The following PWWP3A variants were observed in gnomAD, a reference collection of about 807,000 sequenced individuals.
The protein encoded by PWWP3A is PWWP domain-containing DNA repair factor 3A.
Under a neutral mutation model 79.0 loss-of-function variants are expected in PWWP3A, and 53 were observed. The ratio of observed to expected loss-of-function variants is 0.67; its 90% CI spans 0.54 to 0.84. The LOEUF is 0.84. Ranked by LOEUF, PWWP3A falls within the 40% of genes least tolerant of loss-of-function variation. The pLI is 0.00. For missense variants in PWWP3A, 973 were observed against 948.0 expected (o/e 1.03, Z -0.35); for synonymous variants, 443 against 394.4 (o/e 1.12, Z -1.46).
In PWWP3A at chr19:1,377,506, C is replaced by T. The variant is rs559663860; in HGVS notation, c.*930C>T. The T allele has an allele frequency of 2.0e-5, 3 of 152,532 alleles. No individual in the cohort carries two copies. Among genetic ancestry groups the T allele is most frequent in the African/African-American group, 4.8e-5 (2 of 41,588 alleles). The allele number at this position is 152,532 out of a possible 1,614,324, so 9.4% of individuals were successfully genotyped here. On this transcript the variant is annotated 3_prime_UTR_variant, in exon 14 of 14. Coordinates refer to ENST00000591337, the MANE Select transcript of PWWP3A (RefSeq NM_001369789.1). The stretch of plus-strand genomic sequence containing the variant: ...TTGTATGGAGGCCCAACCGCGCTCC[C>T]GTCTGGAGAAGCGGCTTCCGGGGTG...
chr19:1,376,307 G>GTTT (rs1300598453), intron 13 of PWWP3A, among the ~76,000 whole-genome samples: 1 of 70,388 alleles, frequency 1.4e-5, no homozygotes, highest in Non-Finnish European at 2.5e-5. Flanking sequence ...TTTTTTTTTT[G>GTTT]TTTGTTTTTT....
At chr19:1,374,735 T>C (rs2082329791) in intron 13 of PWWP3A, among the ~76,000 whole-genome samples, 1 of 152,114 alleles carries the variant, frequency 6.6e-6, no homozygotes, top group South Asian at 2.1e-4. Context: ...TGGCATCTCA[T>C]ACTCTTTCGT....
intron 2 of PWWP3A, 73 bp from the exon 3 acceptor site, chr19:1,356,936 G>A: frequency 8.3e-7 from 1 of 1,198,154 alleles, no homozygotes; most frequent in Non-Finnish European, 1.2e-6. Flanking sequence ...TGCTGCATTT[G>A]TGCTAAAGTT....
chr19:1,364,114 ATTACC>A (rs2082077779), intron 6 of PWWP3A: 1 of 522,914 alleles, frequency 1.9e-6, no homozygotes. Flanking sequence ...TCCGCGTGCC[ATTACC>A]TCACCTCTGT....
intron 5 of PWWP3A, chr19:1,361,858 G>A: frequency 5.0e-6 from 1 of 200,346 alleles, no homozygotes; most frequent in Non-Finnish European, 1.0e-5. Context: ...CCCCTACCCT[G>A]TTCTATAGTC....
rs2082184964 is a variant in PWWP3A at position 1,368,849 on chromosome 19, G to A, written c.1423-416G>A. 6.9e-6 allele frequency among the ~76,000 whole-genome samples: 1 copy of A among 145,808 alleles called. No homozygotes were observed. The highest frequency in any genetic ancestry group is 2.7e-5 in the African/African-American group (1 of 37,580). On this transcript the variant is annotated intron_variant, in intron 9 of 13. Transcript: ENST00000591337. This position sits in a 1 kb window ranked among gnomAD's most constrained non-coding sequence, Gnocchi z 4.7. ...CGTTCAGACCAGCCCAAGCCTTCGGGTCCCCGGTGCCCACCTGCGTTCAGA... is the reference window on the plus strand; with the variant it reads ...CGTTCAGACCAGCCCAAGCCTTCGGATCCCCGGTGCCCACCTGCGTTCAGA...
chr19:1,362,608 G>C (rs759641590), intron 6 of PWWP3A, among the ~76,000 whole-genome samples: 21 of 152,236 alleles, frequency 1.4e-4, no homozygotes, highest in Non-Finnish European at 2.8e-4. Flanking sequence ...CATTACTCCT[G>C]TCACTTACCT....
chr19:1,376,564 G>T lies in PWWP3A; in HGVS notation c.2121G>T (p.Arg707=), dbSNP rs777805899. 3 of 1,613,618 alleles carry T rather than the reference G, an allele frequency of 1.9e-6. No individual in the cohort carries two copies. The highest frequency in any genetic ancestry group is 2.2e-5 in the South Asian group (2 of 91,062). The change falls in exon 14 of 14, where the codon CGG becomes CGT. Residue 707 remains arginine (R), a synonymous_variant. Transcript: ENST00000591337. ...FDNQLLEERN[R]RRR ...ACCAGCTCCTTGAAGAGCGGAACCG[G>T]CGCCGTCGGTGAGGGAGCAGCCGGC...
Position 1,369,798 on chromosome 19 carries a change from G to A in PWWP3A, c.1549+152G>A. On this transcript the variant is annotated intron_variant, in intron 11 of 13. Coordinates refer to ENST00000591337, the MANE Select transcript of PWWP3A (RefSeq NM_001369789.1). This position sits in a 1 kb window ranked among gnomAD's most constrained non-coding sequence, Gnocchi z 4.0. ...TGTTCAACCTCTATGAGGTTTTGATGTGACCCTGAGGCTCCCTGGGACCTG... is the reference window on the plus strand; with the variant it reads ...TGTTCAACCTCTATGAGGTTTTGATATGACCCTGAGGCTCCCTGGGACCTG... The A allele has an allele frequency of 2.2e-6, 2 of 925,132 alleles. No homozygotes were observed. Among genetic ancestry groups the A allele is most frequent in the South Asian group, 1.4e-5 (1 of 69,610 alleles). 57.3% of individuals were successfully genotyped at this position (925,132 alleles called of 1,614,324 possible).
intron 13 of PWWP3A, among the ~76,000 whole-genome samples, chr19:1,375,399 T>C (rs1225070850): frequency 8.0e-6 from 1 of 124,378 alleles, no homozygotes; most frequent in Non-Finnish European, 1.6e-5. Flanking sequence ...CCCTCTCATA[T>C]ATATATAATA....
Position 1,369,672 on chromosome 19 carries a change from A to G in PWWP3A, c.1549+26A>G. ...GTAAGTCTACAGGCACATCTTGGAA[A>G]ATGTGGTTTGCCTTTTAGCCCTTTA... On this transcript the variant is annotated intron_variant, in intron 11 of 13. Coordinates refer to ENST00000591337, the MANE Select transcript of PWWP3A (RefSeq NM_001369789.1). This position sits in a 1 kb window ranked among gnomAD's most constrained non-coding sequence, Gnocchi z 4.0. 1.9e-5 allele frequency: 31 copies of G among 1,613,418 alleles called. No homozygotes were observed. Among genetic ancestry groups the G allele is most frequent in the Non-Finnish European group, 2.5e-5 (29 of 1,179,332 alleles).
Position 1,370,981 on chromosome 19 carries a change from A to G in PWWP3A, c.1889A>G (p.Lys630Arg), listed in dbSNP as rs1329429685. The G allele has an allele frequency of 2.6e-6, 4 of 1,565,146 alleles. No individual in the cohort carries two copies. The highest frequency in any genetic ancestry group is 3.3e-4 in the Middle Eastern group (2 of 5,982). The change falls in exon 12 of 14, where the codon AAG becomes AGG. Residue 630 changes from lysine (K) to arginine (R), a missense_variant. Physicochemically the swap from Lys to Arg is conservative, Grantham distance 26 (BLOSUM62 2). Transcript: ENST00000591337. ...GAGGGGCAGCTGGACCTGGTGGTGA[A>G]GTACCTGCAGGGCGTCTACCAGGAG... is the stretch of plus-strand genomic sequence containing the variant. ...EDEGQLDLVV[K>R]YLQGVYQEVG...
intron 1 of PWWP3A, among the ~76,000 whole-genome samples, chr19:1,355,776 G>T (rs79720390): frequency 7.9e-5 from 12 of 150,996 alleles, no homozygotes; most frequent in African/African-American, 2.9e-4. Flanking sequence ...CCCCTCCGTT[G>T]TTGCTAAATT....
At chr19:1,361,725 AAG>A (rs2082018702) in intron 5 of PWWP3A, among the ~76,000 whole-genome samples, 1 of 151,888 alleles carries the variant, frequency 6.6e-6, no homozygotes, top group Non-Finnish European at 1.5e-5. Flanking sequence ...TCTGAAGACA[AAG>A]TGACCGCACC....
chr19:1,366,161 G>A lies in PWWP3A; in HGVS notation c.1285-144G>A, dbSNP rs75621332. The A allele has an allele frequency of 5.2e-3, 3,942 of 757,484 alleles. 95 individuals are homozygous for A. The African/African-American group carries it at 0.06, about 11-fold the overall frequency. 46.9% of individuals were successfully genotyped at this position (757,484 alleles called of 1,614,324 possible). A position where few individuals can be genotyped will look rare whatever the true frequency, so the allele number is the denominator to read the frequency against. On this transcript the variant is annotated intron_variant, in intron 7 of 13. Coordinates refer to ENST00000591337, the MANE Select transcript of PWWP3A (RefSeq NM_001369789.1). Reference sequence around the variant, plus strand: ...GCAGAGCATGGGGCCGTTTCTCAGCGCCTCCTTGCGGGAGACTTCGCTGGG... The same window carrying A: ...GCAGAGCATGGGGCCGTTTCTCAGCACCTCCTTGCGGGAGACTTCGCTGGG...
rs750889423 is a variant in PWWP3A, at chr19:1,369,270, A to C, written c.1428A>C (p.Gln476His). 2 of 1,614,136 alleles carry C rather than the reference A, an allele frequency of 1.2e-6. No homozygotes were observed. Among genetic ancestry groups the C allele is most frequent in the South Asian group, 2.2e-5 (2 of 91,080 alleles). ...DCKEKQTLLNQAREDFNQDIG... is the reference protein window; with the variant it reads ...DCKEKQTLLNHAREDFNQDIG... ...CTGCCCGGATCTCATTGTAGAATCA[A>C]GCCAGGGAGGACTTCAACCAGGACA... is the stretch of plus-strand genomic sequence containing the variant. Residue 476 changes from glutamine to histidine, a missense_variant, in exon 10 of 14, where the codon CAA becomes CAC. Coordinates refer to ENST00000591337, the MANE Select transcript of PWWP3A (RefSeq NM_001369789.1). This position sits in a 1 kb window ranked among gnomAD's most constrained non-coding sequence, Gnocchi z 4.0.
intron 2 of PWWP3A, among the ~76,000 whole-genome samples, chr19:1,356,710 AAAGAT>A (rs2081879416): frequency 6.6e-6 from 1 of 151,610 alleles, no homozygotes; most frequent in African/African-American, 2.4e-5. Context: ...TAACTCAAGG[AAAGAT>A]CTGGCAAGCA....
Position 1,360,304 on chromosome 19 carries a change from C to A in PWWP3A, c.383C>A (p.Ser128Tyr), listed in dbSNP as rs145550096. 2 of 1,613,892 alleles carry A rather than the reference C, an allele frequency of 1.2e-6. No homozygotes were observed. The highest frequency in any genetic ancestry group is 8.5e-7 in the Non-Finnish European group (1 of 1,179,822). Residue 128 changes from serine (S) to tyrosine (Y), a missense_variant, in exon 5 of 14, where the codon TCC becomes TAC. By Grantham distance (144) the Ser-to-Tyr change is moderately radical (BLOSUM62 -2). Coordinates refer to ENST00000591337, the MANE Select transcript of PWWP3A (RefSeq NM_001369789.1). This position sits in a 1 kb window ranked among gnomAD's most constrained non-coding sequence, Gnocchi z 4.4. ...SLRGKPMEHV[S>Y]SPCDSNSSSL... Reference sequence around the variant, plus strand: ...CGAGGGAAGCCCATGGAGCATGTCTCCTCGCCCTGTGATTCGAACTCCTCA... The same window carrying A: ...CGAGGGAAGCCCATGGAGCATGTCTACTCGCCCTGTGATTCGAACTCCTCA...
In PWWP3A at chr19:1,362,283, AT is replaced by A; in HGVS notation, c.1147del (p.Ser383ProfsTer29). ...CQSSEESMGSNSMRSILEEDE... is the reference protein window; with the variant it reads ...CQSSEESMGSXSMRSILEEDE... ...TCTTCCGAAGAGTCCATGGGGTCTA[AT>A]TCCATGCGTTCTATCCTGGAGGAAG... On this transcript the variant is annotated frameshift_variant, in exon 6 of 14. Transcript: ENST00000591337. LOFTEE classifies it high-confidence loss of function. The A allele has an allele frequency of 6.2e-7, 1 of 1,614,114 alleles. No individual in the cohort carries two copies. The highest frequency in any genetic ancestry group is 8.5e-7 in the Non-Finnish European group (1 of 1,180,004).
Sources: gnomAD v4.1 joint callset for allele counts (sites outside exome capture counted in the v4.1 genomes callset) on GRCh38, gnomAD v4.1.1 for gene constraint, Gnocchi (gnomAD v3.1) non-coding constraint, MANE v1.5 for transcripts, NCBI Gene and HGNC (gene_info 2026-07-23, HGNC 2026-07-21) for gene names.